Variants in MEGF10 observed in about 807,000 individuals in gnomAD.
The protein encoded by MEGF10 is multiple epidermal growth factor-like domains protein 10.
In MEGF10, 86 loss-of-function variants were observed where a neutral mutation model predicts 147.5. That is an observed-to-expected ratio of 0.58 (90% CI 0.49 to 0.70). The LOEUF (loss-of-function observed/expected upper bound fraction) is 0.70, where lower values mean the gene tolerates loss of function less well. Among genes scored for constraint, MEGF10 ranks in the 30% least tolerant of loss-of-function variants. MEGF10 has a pLI of 0.00. For synonymous variants in MEGF10, 478 were observed against 525.5 expected, an observed-to-expected ratio of 0.91 and a Z score of 1.24; for missense variants, 1,329 against 1,487.3, an observed-to-expected ratio of 0.89 and a Z score of 1.75.
Position 127,438,534 on chromosome 5 carries a change from A to G in MEGF10, c.2200A>G (p.Thr734Ala), listed in dbSNP as rs576883538. The G allele has an allele frequency of 2.5e-6, 4 of 1,613,966 alleles. No individual in the cohort carries two copies. The South Asian group carries it at 4.4e-5, about 18-fold the overall frequency. The change falls in exon 17 of 25, where the codon ACT becomes GCT. Residue 734 changes from threonine to alanine, a missense_variant. Physicochemically the swap from Thr to Ala is moderately conservative, Grantham distance 58. Transcript: ENST00000503335. ...CGCCTACGATGGGGAATGTAAATGC[A>G]CTCCTGGCTGGACAGGGCTCTACTG... ...CSAYDGECKC[T>A]PGWTGLYCTQ... is the part of the protein sequence containing the mutation.
intron 1 of MEGF10, among the ~76,000 whole-genome samples, chr5:127,318,899 A>AT (rs1278761775): frequency 1.3e-5 from 2 of 152,340 alleles, no homozygotes; most frequent in East Asian, 1.9e-4. Context: ...AATGGTATAT[A>AT]AAAATTGCTA....
intron 17 of MEGF10, among the ~76,000 whole-genome samples, chr5:127,439,440 A>G (rs931322573): frequency 3.3e-5 from 5 of 152,236 alleles, no homozygotes; most frequent in Admixed American, 1.3e-4. Context: ...ATTAGAGTAC[A>G]TAATTAAAGA....
intron 1 of MEGF10, among the ~76,000 whole-genome samples, chr5:127,311,815 C>T (rs913539815): frequency 6.6e-6 from 1 of 152,138 alleles, no homozygotes; most frequent in African/African-American, 2.4e-5. Context: ...GTAAGTTTCT[C>T]TAATATGCAT....
At chr5:127,414,557 A>C (rs1764684932) in intron 9 of MEGF10, among the ~76,000 whole-genome samples, 1 of 152,174 alleles carries the variant, frequency 6.6e-6, no homozygotes, top group Non-Finnish European at 1.5e-5. Flanking sequence ...TGACATTTTA[A>C]AAACGAATTT....
chr5:127,344,224 C>A (rs998405970), intron 4 of MEGF10, among the ~76,000 whole-genome samples: 1 of 152,090 alleles, frequency 6.6e-6, no homozygotes, highest in African/African-American at 2.4e-5. Flanking sequence ...ATACTTTCTG[C>A]CATCAAAGAG....
chr5:127,262,278 A>AT, the MEGF10 span, among the ~76,000 whole-genome samples: 7 of 151,014 alleles, frequency 4.6e-5, no homozygotes, highest in African/African-American at 1.5e-4. Context: ...ATTTTGAGTT[A>AT]TTTTTTGTGT....
At chr5:127,411,985 T>C in intron 9 of MEGF10, among the ~76,000 whole-genome samples, 1 of 152,214 alleles carries the variant, frequency 6.6e-6, no homozygotes, top group East Asian at 1.9e-4. Context: ...ATGAGAAGAA[T>C]TGGAGAAGCA....
chr5:127,433,128 T>G (rs1765440969), intron 13 of MEGF10, among the ~76,000 whole-genome samples: 1 of 152,148 alleles, frequency 6.6e-6, no homozygotes, highest in African/African-American at 2.4e-5. Flanking sequence ...AGAAGAAAAA[T>G]CAATATAACA....
rs756234600 is a variant in MEGF10 at position 127,434,713 on chromosome 5, C to T, written c.1867C>T (p.Arg623Cys). The T allele has an allele frequency of 1.2e-6, 2 of 1,612,954 alleles. No individual in the cohort carries two copies. The highest frequency in any genetic ancestry group is 8.5e-7 in the Non-Finnish European group (1 of 1,179,558). Residue 623 changes from arginine to cysteine, a missense_variant, in exon 15 of 25, where the codon CGC becomes TGC. Transcript: ENST00000503335. ...RICSPGFYGH[R>C]CSQTCPQCVH... The stretch of plus-strand genomic sequence containing the variant: ...CTGCTCCCCTGGTTTTTATGGGCAT[C>T]GCTGCAGCCAGACATGCCCACAGTG...
chr5:127,346,457 A>G (rs534650820), intron 4 of MEGF10, among the ~76,000 whole-genome samples: 1 of 152,190 alleles, frequency 6.6e-6, no homozygotes, highest in Non-Finnish European at 1.5e-5. Context: ...CCTGATCATT[A>G]GTGCTGTTGA....
At chr5:127,447,749 T>C (rs1449362435) in intron 21 of MEGF10, 65 bp downstream of exon 21, 14 of 1,599,614 alleles carry the variant, frequency 8.8e-6, no homozygotes, top group Non-Finnish European at 7.7e-6. Flanking sequence ...CCAGCATTTA[T>C]TGAGGGCCGC....
chr5:127,374,255 C>T (rs994609887), intron 5 of MEGF10, among the ~76,000 whole-genome samples: 18 of 152,208 alleles, frequency 1.2e-4, no homozygotes, highest in Admixed American at 6.5e-5. Context: ...AAGTGCACTA[C>T]GTGCTCTGAG....
chr5:127,379,293 C>T (rs1165917940), intron 5 of MEGF10, among the ~76,000 whole-genome samples: 1 of 152,148 alleles, frequency 6.6e-6, no homozygotes. Flanking sequence ...CAGAGTGAGA[C>T]TAGCGTGATC....
At chr5:127,447,200 G>A (rs1389179903) in intron 20 of MEGF10, among the ~76,000 whole-genome samples, 3 of 152,064 alleles carry the variant, frequency 2.0e-5, no homozygotes, top group Non-Finnish European at 2.9e-5. Flanking sequence ...ATTTAGAGAT[G>A]GAGTCTCGCT....
chr5:127,435,785 G>A lies in MEGF10; in HGVS notation c.2104+296G>A, dbSNP rs1000922808. On this transcript the variant is annotated intron_variant, in intron 16 of 24. Coordinates refer to ENST00000503335, the MANE Select transcript of MEGF10 (RefSeq NM_001256545.2). ...CCATTGAAATAAAGCAAAAACAGCTGTATTGAGAAATCTATCTCTTCATTT... is the reference window on the plus strand; with the variant it reads ...CCATTGAAATAAAGCAAAAACAGCTATATTGAGAAATCTATCTCTTCATTT... 2.6e-5 allele frequency among the ~76,000 whole-genome samples: 4 copies of A among 152,202 alleles called. 1 individual carries two copies.
chr5:127,368,998 T>C (rs1762752733), intron 4 of MEGF10, among the ~76,000 whole-genome samples: 1 of 152,202 alleles, frequency 6.6e-6, no homozygotes, highest in South Asian at 2.1e-4. Flanking sequence ...TTTGGTGTTT[T>C]ATATATTTGA....
rs1025342216 is a variant in MEGF10, at chr5:127,290,885, T to G, written c.-190T>G. Reference sequence around the variant, plus strand: ...GGGAACGCGTTGAGACGTTCCTCTTTCCCGCTTCTCCACCTTTACGCCTGA... The same window carrying G: ...GGGAACGCGTTGAGACGTTCCTCTTGCCCGCTTCTCCACCTTTACGCCTGA... On this transcript the variant is annotated 5_prime_UTR_variant, in exon 1 of 25. Coordinates refer to ENST00000503335, the MANE Select transcript of MEGF10 (RefSeq NM_001256545.2). 1 of 152,260 alleles carries G rather than the reference T, an allele frequency of 6.6e-6. No homozygotes were observed. Among genetic ancestry groups the G allele is most frequent in the Admixed American group, 6.5e-5 (1 of 15,282 alleles). 9.4% of individuals were successfully genotyped at this position (152,260 alleles called of 1,614,324 possible).
At chr5:127,272,906 C>T in the MEGF10 span, among the ~76,000 whole-genome samples, 2 of 152,142 alleles carry the variant, frequency 1.3e-5, no homozygotes, top group Admixed American at 1.3e-4. Flanking sequence ...TCTTCTTATT[C>T]GAATACGCTT....
chr5:127,294,836 AAAT>A (rs1759429106), intron 1 of MEGF10, among the ~76,000 whole-genome samples: 1 of 60,308 alleles, frequency 1.7e-5, no homozygotes, highest in Non-Finnish European at 4.7e-5. Context: ...TAATAATAAT[AAAT>A]AACTTGGAGT....
Sources: gnomAD v4.1 joint callset for allele counts (sites outside exome capture counted in the v4.1 genomes callset) on GRCh38, gnomAD v4.1.1 for gene constraint, MANE v1.5 for transcripts, NCBI Gene and HGNC (gene_info 2026-07-23, HGNC 2026-07-21) for gene names.